The following DNAAF4 variants were observed in gnomAD, a reference collection of about 807,000 sequenced individuals.
DNAAF4 encodes dynein assembly factor 4, axonemal.
A neutral mutation model predicts 51.8 loss-of-function variants in DNAAF4; 43 were observed. That is an observed-to-expected ratio of 0.83 (90% CI 0.65 to 1.07). The LOEUF (loss-of-function observed/expected upper bound fraction) is 1.07. Among genes scored for constraint, DNAAF4 ranks in the 50% least tolerant of loss-of-function variants. The pLI, the probability that DNAAF4 is intolerant of heterozygous loss-of-function variation, is 0.00. For synonymous variants in DNAAF4, 194 were observed against 165.6 expected (o/e 1.17, Z -1.32); for missense variants, 581 against 493.0 (o/e 1.18, Z -1.69).
chr15:55,435,133 T>A, intron 7 of DNAAF4, 75 bp from the exon 8 acceptor site: 6 of 1,475,432 alleles, frequency 4.1e-6, no homozygotes, highest in Non-Finnish European at 5.5e-6. Context: ...CTAATTGTAT[T>A]TGACAAAGAG....
intron 3 of DNAAF4, among the ~76,000 whole-genome samples, chr15:55,495,888 C>T (rs7167919): frequency 1 from 152,357 of 152,358 alleles, 76,178 homozygotes; most frequent in Non-Finnish European, 1. Context: ...TAGTACAAAG[C>T]ACTGACAACT....
At chr15:55,491,672 G>C (rs1429484967) in intron 3 of DNAAF4, among the ~76,000 whole-genome samples, 6 of 135,250 alleles carry the variant, frequency 4.4e-5, no homozygotes, top group African/African-American at 1.7e-4. Flanking sequence ...ATATATTATA[G>C]ATAATATTAT....
In DNAAF4 at chr15:55,442,618, T is replaced by C. The variant is rs1262468290; in HGVS notation, c.784-3037A>G. 8 of 1,507,662 alleles carry C rather than the reference T, an allele frequency of 5.3e-6. No individual in the cohort carries two copies. In the East Asian group the frequency reaches 1.6e-4, roughly 30 times the overall value. The allele number at this position is 1,507,662 out of a possible 1,614,324, so 93.4% of individuals were successfully genotyped here. ...TGGAGGGGAGAGAATGAGATGGAGT[T>C]CACCAGCAGCTCTTTATGTCAGACT... On this transcript the variant is annotated intron_variant, in intron 6 of 9. Coordinates refer to ENST00000321149, the MANE Select transcript of DNAAF4 (RefSeq NM_130810.4).
At chr15:55,473,257 A>G (rs56300175) in intron 4 of DNAAF4, among the ~76,000 whole-genome samples, 1 of 134,582 alleles carries the variant, frequency 7.4e-6, no homozygotes, top group African/African-American at 2.7e-5. Flanking sequence ...GTGTGTATAT[A>G]TATGTGTATA....
At chr15:55,460,659 T>C (rs1019931026) in intron 5 of DNAAF4, among the ~76,000 whole-genome samples, 1 of 152,150 alleles carries the variant, frequency 6.6e-6, no homozygotes, top group African/African-American at 2.4e-5. Context: ...AATAGATATT[T>C]ACAGAATATT....
chr15:55,491,684 TTATTATATAATAA>T (rs2058573943), intron 3 of DNAAF4, among the ~76,000 whole-genome samples: 1 of 140,310 alleles, frequency 7.1e-6, no homozygotes, highest in Non-Finnish European at 1.5e-5. Flanking sequence ...TAATATTATA[TTATTATATAATAA>T]TATTATATAC....
chr15:55,498,362 G>A lies in DNAAF4; in HGVS notation c.-33C>T, dbSNP rs137940557. 1 of 1,588,760 alleles carries A rather than the reference G, an allele frequency of 6.3e-7. No homozygotes were observed. Among genetic ancestry groups the A allele is most frequent in the South Asian group, 1.1e-5 (1 of 89,316 alleles). On this transcript the variant is annotated 5_prime_UTR_variant, in exon 2 of 10. Coordinates refer to ENST00000321149, the MANE Select transcript of DNAAF4 (RefSeq NM_130810.4). ...GCAACGGGAGCGGATAGCGCGGCTG[G>A]TTGCTTCTTGCGCCTGCTTGGTTGC...
chr15:55,472,648 T>C (rs2058271370), intron 4 of DNAAF4, among the ~76,000 whole-genome samples: 2 of 152,074 alleles, frequency 1.3e-5, no homozygotes, highest in Admixed American at 1.3e-4. Flanking sequence ...GGGTTTTAGG[T>C]GTTTGTACTG....
intron 7 of DNAAF4, chr15:55,418,435 C>G: frequency 1.3e-6 from 2 of 1,524,358 alleles, no homozygotes; most frequent in Non-Finnish European, 8.8e-7. Flanking sequence ...AGTTTTTCCC[C>G]TGCAATTATA....
At chr15:55,507,923 C>A (rs2058735029) in intron 1 of DNAAF4, among the ~76,000 whole-genome samples, 199 bp downstream of exon 1, 1 of 152,102 alleles carries the variant, frequency 6.6e-6, no homozygotes, top group Non-Finnish European at 1.5e-5. Flanking sequence ...CCACCACCAC[C>A]AGCAATATTA....
At chr15:55,458,975 C>T (rs547792773) in intron 5 of DNAAF4, among the ~76,000 whole-genome samples, 1 of 151,522 alleles carries the variant, frequency 6.6e-6, no homozygotes, top group East Asian at 2.0e-4. Context: ...ACTCAGGAGG[C>T]TGAGGCAGGA....
At position 55,498,436 on chromosome 15, in the gene DNAAF4, C is replaced by T. The variant is rs906290761; in HGVS notation, c.-107G>A. ...GCCAGCCCTTCCGGGTCAGGCCGGC[C>T]GGGAGCCCGGCGTTCCCAGCGTGCT... On this transcript the variant is annotated 5_prime_UTR_variant, in exon 2 of 10. Transcript: ENST00000321149. 90 of 1,477,178 alleles carry T rather than the reference C, an allele frequency of 6.1e-5. No homozygotes were observed. Among genetic ancestry groups the T allele is most frequent in the Non-Finnish European group, 7.8e-5 (87 of 1,115,850 alleles). The allele number at this position is 1,477,178 out of a possible 1,614,324, so 91.5% of individuals were successfully genotyped here. A position where few individuals can be genotyped will look rare whatever the true frequency, so the allele number is the denominator to read the frequency against.
chr15:55,455,376 T>C (rs2058002729), intron 5 of DNAAF4, among the ~76,000 whole-genome samples: 1 of 104,318 alleles, frequency 9.6e-6, no homozygotes, highest in East Asian at 2.9e-4. Flanking sequence ...TTATAAAATA[T>C]TAGCAAATTG....
intron 6 of DNAAF4, among the ~76,000 whole-genome samples, chr15:55,443,523 T>C (rs2057748932): frequency 6.6e-6 from 1 of 152,270 alleles, no homozygotes; most frequent in East Asian, 1.9e-4. Flanking sequence ...TGCATGTGTC[T>C]TTATAGCAGC....
intron 5 of DNAAF4, among the ~76,000 whole-genome samples, chr15:55,454,946 A>T (rs902654967): frequency 5.3e-5 from 8 of 151,846 alleles, no homozygotes; most frequent in African/African-American, 1.9e-4. Flanking sequence ...GTCTCAAAAA[A>T]AAGAACAATA....
At chr15:55,424,422 C>G (rs1407222349) in intron 7 of DNAAF4, among the ~76,000 whole-genome samples, 1 of 152,222 alleles carries the variant, frequency 6.6e-6, no homozygotes, top group Non-Finnish European at 1.5e-5. Flanking sequence ...TGAAGTAAGG[C>G]ACCTACTTTT....
intron 3 of DNAAF4, among the ~76,000 whole-genome samples, chr15:55,496,513 T>C (rs193228779): frequency 6.6e-6 from 1 of 152,006 alleles, no homozygotes; most frequent in African/African-American, 2.4e-5. Context: ...GCCTCCCCTG[T>C]AAAAAAAGGG....
chr15:55,427,662 T>C (rs939398693), downstream of DNAAF4, among the ~76,000 whole-genome samples: 20 of 147,224 alleles, frequency 1.4e-4, no homozygotes, highest in African/African-American at 3.5e-4. Flanking sequence ...TGAGATGGAG[T>C]TTCGCTCTTC....
downstream of DNAAF4, among the ~76,000 whole-genome samples, chr15:55,428,903 G>T (rs2057458469): frequency 6.6e-6 from 1 of 151,978 alleles, no homozygotes; most frequent in Admixed American, 6.6e-5. Flanking sequence ...ATGAGTCACT[G>T]ATAAAGGCCA....
Sources: gnomAD v4.1 joint callset for allele counts (sites outside exome capture counted in the v4.1 genomes callset) on GRCh38, gnomAD v4.1.1 for gene constraint, MANE v1.5 for transcripts, NCBI Gene and HGNC (gene_info 2026-07-23, HGNC 2026-07-21) for gene names.